The following TSHR variants were observed in gnomAD, a reference collection of about 807,000 sequenced individuals.
TSHR encodes thyroid stimulating hormone receptor.
TSHR carries 51 observed loss-of-function variants against 64.1 expected under a neutral mutation model. That is an observed-to-expected ratio of 0.80 (90% confidence interval 0.64 to 1.01). The LOEUF is 1.01. Among genes scored for constraint, TSHR ranks in the 50% least tolerant of loss-of-function variants. TSHR has a pLI of 0.00. For synonymous variants in TSHR, 361 were observed against 361.9 expected, an observed-to-expected ratio of 1.00 and a Z score of 0.03; for missense variants, 877 against 942.8, an observed-to-expected ratio of 0.93 and a Z score of 0.91.
chr14:81,109,088 CATT>C (rs1890104313), intron 8 of TSHR: 1 of 817,890 alleles, frequency 1.2e-6, no homozygotes, highest in African/African-American at 1.8e-5. Flanking sequence ...AGAATCTCAT[CATT>C]GAGCATCCAC....
chr14:81,072,215 C>A (rs1250486916), intron 3 of TSHR, among the ~76,000 whole-genome samples: 5 of 152,140 alleles, frequency 3.3e-5, no homozygotes, highest in Non-Finnish European at 5.9e-5. Flanking sequence ...GTGTTGAGGA[C>A]AGTTATTATT....
At position 81,012,779 on chromosome 14, in the gene TSHR, G is replaced by T. The variant is rs796827511; in HGVS notation, c.171-49369G>T. ...TGTTCATGTCCTTCGCCCACTTTTT[G>T]ATGGGGTTGTTTGTTTTTTTCTTGT... is the stretch of plus-strand genomic sequence containing the variant. On this transcript the variant is annotated intron_variant, in intron 1 of 9. Coordinates refer to ENST00000298171, the MANE Select transcript of TSHR (RefSeq NM_000369.5). 11 of 149,502 alleles carry T rather than the reference G, an allele frequency of 7.4e-5. No individual in the cohort carries two copies. The South Asian group carries it at 2.1e-3, about 29-fold the overall frequency. 9.3% of individuals were successfully genotyped at this position (149,502 alleles called of 1,614,324 possible).
chr14:81,067,519 A>C (rs1204096338), intron 2 of TSHR, among the ~76,000 whole-genome samples: 1 of 146,054 alleles, frequency 6.8e-6, no homozygotes, highest in African/African-American at 2.6e-5. Flanking sequence ...ATATATCACT[A>C]TATATAATCC....
chr14:81,024,239 T>G (rs907471489), intron 1 of TSHR, among the ~76,000 whole-genome samples: 6 of 119,672 alleles, frequency 5.0e-5, no homozygotes, highest in East Asian at 4.3e-4. Context: ...TTAGGCATGG[T>G]TTTTTTTTGT....
At chr14:80,979,684 T>C (rs375114578) in intron 1 of TSHR, among the ~76,000 whole-genome samples, 17 of 152,342 alleles carry the variant, frequency 1.1e-4, no homozygotes, top group African/African-American at 3.6e-4. Context: ...ATAAAATCAG[T>C]ATTTAAAGAC....
intron 1 of TSHR, among the ~76,000 whole-genome samples, chr14:81,037,912 G>C (rs1348723567): frequency 1.4e-5 from 2 of 142,394 alleles, no homozygotes; most frequent in Admixed American, 7.0e-5. Context: ...GCAATAGATA[G>C]ATCATCCAAA....
In TSHR at chr14:81,145,222, A is replaced by T. The variant is rs1891883628; in HGVS notation, c.*869A>T. 4.3e-6 allele frequency: 1 copy of T among 232,982 alleles called. No individual in the cohort carries two copies. Among genetic ancestry groups the T allele is most frequent in the African/African-American group, 2.2e-5 (1 of 45,346 alleles). 14.4% of individuals were successfully genotyped at this position (232,982 alleles called of 1,614,324 possible). ...TATGGGACTTAAATCTGTAGAAATG[A>T]AGGAGTCCAATAGCTTCTTCCAATT... On this transcript the variant is annotated 3_prime_UTR_variant, in exon 10 of 10. Coordinates refer to ENST00000298171, the MANE Select transcript of TSHR (RefSeq NM_000369.5).
At chr14:80,994,732 A>G (rs1182405260) in intron 1 of TSHR, 1 of 152,254 alleles carries the variant, frequency 6.6e-6, no homozygotes, top group African/African-American at 2.4e-5. Flanking sequence ...AATTAACTCA[A>G]GATGGATTAA....
chr14:80,974,948 G>C (rs1887787029), intron 1 of TSHR, among the ~76,000 whole-genome samples: 1 of 152,180 alleles, frequency 6.6e-6, no homozygotes, highest in African/African-American at 2.4e-5. Flanking sequence ...CAGTAAGAGT[G>C]CTAAGTAGAA....
At chr14:81,092,072 G>A (rs1037749114) in intron 5 of TSHR, among the ~76,000 whole-genome samples, 3 of 152,222 alleles carry the variant, frequency 2.0e-5, no homozygotes, top group Admixed American at 1.3e-4. Flanking sequence ...CTAGAATGGC[G>A]TAGAAAGGTT....
At chr14:81,112,905 A>C (rs779243155) in intron 8 of TSHR, among the ~76,000 whole-genome samples, 7 of 152,320 alleles carry the variant, frequency 4.6e-5, no homozygotes, top group Admixed American at 2.0e-4. Context: ...TAAACGGGGG[A>C]AAAAGTAAAA....
At chr14:81,122,158 C>T (rs1472618428) in intron 8 of TSHR, among the ~76,000 whole-genome samples, 1 of 144,348 alleles carries the variant, frequency 6.9e-6, no homozygotes, top group Non-Finnish European at 1.5e-5. Flanking sequence ...ATTCTCCTGC[C>T]TCAGCCTCCC....
At chr14:80,964,952 G>C (rs1887221597) in intron 1 of TSHR, among the ~76,000 whole-genome samples, 1 of 152,184 alleles carries the variant, frequency 6.6e-6, no homozygotes, top group Non-Finnish European at 1.5e-5. Context: ...GACCATCATT[G>C]TGAGAATGAA....
chr14:80,960,020 A>C (rs1210224534), intron 1 of TSHR, among the ~76,000 whole-genome samples: 6 of 152,242 alleles, frequency 3.9e-5, no homozygotes, highest in Non-Finnish European at 1.5e-5. Context: ...GCTACAGACT[A>C]TTGTCTGTGA....
In TSHR at chr14:81,091,118, T is replaced by C; in HGVS notation, c.442T>C (p.Tyr148His). Residue 148 changes from tyrosine to histidine, a missense_variant, in exon 5 of 10, where the codon TAT (tyrosine) becomes CAT (histidine). By Grantham distance (83) the Tyr-to-His change is moderately conservative (BLOSUM62 2). Coordinates refer to ENST00000298171, the MANE Select transcript of TSHR (RefSeq NM_000369.5). Reference sequence around the variant, plus strand: ...AATGTTCCCTGACCTGACCAAAGTTTATTCCACTGATATATTCTTTATACT... The same window carrying C: ...AATGTTCCCTGACCTGACCAAAGTTCATTCCACTGATATATTCTTTATACT... ...LKMFPDLTKV[Y>H]STDIFFILEI... is the part of the protein sequence containing the mutation. 6.2e-7 allele frequency: 1 copy of C among 1,612,576 alleles called. No individual in the cohort carries two copies. Among genetic ancestry groups the C allele is most frequent in the Non-Finnish European group, 8.5e-7 (1 of 1,179,866 alleles).
chr14:81,065,745 A>G (rs1488651926), intron 2 of TSHR, among the ~76,000 whole-genome samples: 1 of 152,208 alleles, frequency 6.6e-6, no homozygotes, highest in African/African-American at 2.4e-5. Context: ...CTGTCATACA[A>G]TGAATGTTCA....
chr14:81,108,854 G>A, intron 8 of TSHR: 4 of 1,474,794 alleles, frequency 2.7e-6, no homozygotes, highest in South Asian at 1.4e-5. Flanking sequence ...GCACAAAGAA[G>A]GAAGAATATA....
intron 1 of TSHR, among the ~76,000 whole-genome samples, chr14:81,022,135 T>C (rs1002722931): frequency 7.6e-6 from 1 of 131,784 alleles, no homozygotes; most frequent in South Asian, 2.5e-4. Context: ...CCAGGCGTGG[T>C]GGTGGGTGCC....
chr14:80,979,464 G>T (rs1452129931), intron 1 of TSHR, among the ~76,000 whole-genome samples: 1 of 152,146 alleles, frequency 6.6e-6, no homozygotes, highest in East Asian at 1.9e-4. Context: ...GCACAGTAGG[G>T]TGACTATGTT....
Sources: gnomAD v4.1 joint callset for allele counts (sites outside exome capture counted in the v4.1 genomes callset) on GRCh38, gnomAD v4.1.1 for gene constraint, MANE v1.5 for transcripts, NCBI Gene and HGNC (gene_info 2026-07-23, HGNC 2026-07-21) for gene names.